Variants in ADGRD1 observed in about 807,000 individuals in gnomAD.
The protein encoded by ADGRD1 is adhesion G protein-coupled receptor D1.
In ADGRD1, 77 loss-of-function variants were observed where a neutral mutation model predicts 113.4. The observed-to-expected ratio is 0.68, with a 90% CI of 0.57 to 0.82. The LOEUF is 0.82. ADGRD1 is among the 40% of genes least tolerant of loss of function. ADGRD1 has a pLI of 0.00. For synonymous variants in ADGRD1, 474 were observed against 475.0 expected (o/e 1.00, Z 0.03); for missense variants, 1,036 against 1,139.1 (o/e 0.91, Z 1.30).
intron 13 of ADGRD1, among the ~76,000 whole-genome samples, chr12:131,068,557 A>G (rs1884907255): frequency 6.6e-6 from 1 of 152,160 alleles, no homozygotes; most frequent in Admixed American, 6.5e-5. Context: ...GATTCCACAT[A>G]CAGGCCTCTA....
chr12:130,957,175 T>C (rs1469327397), intron 2 of ADGRD1: 12 of 152,246 alleles, frequency 7.9e-5, no homozygotes, highest in Admixed American at 6.5e-4. Flanking sequence ...TGCATCAACA[T>C]ACATGTATTT....
chr12:131,128,758 G>A (rs538022421), intron 20 of ADGRD1, among the ~76,000 whole-genome samples: 1 of 152,304 alleles, frequency 6.6e-6, no homozygotes, highest in South Asian at 2.1e-4. Context: ...TATGTGGGGT[G>A]TGGCTTCTTC....
intron 13 of ADGRD1, among the ~76,000 whole-genome samples, chr12:131,021,376 T>C (rs1358410025): frequency 3.3e-5 from 5 of 152,164 alleles, no homozygotes; most frequent in African/African-American, 1.2e-4. Context: ...CCCATGACTT[T>C]GACACTTCGC....
chr12:131,017,650 C>T (rs1335154445), intron 13 of ADGRD1, among the ~76,000 whole-genome samples: 1 of 151,126 alleles, frequency 6.6e-6, no homozygotes, highest in Admixed American at 6.6e-5. Context: ...CCAGCACAGA[C>T]ACACCCAACA....
At chr12:130,974,605 C>T (rs1053389292) in intron 4 of ADGRD1, among the ~76,000 whole-genome samples, 5 of 152,170 alleles carry the variant, frequency 3.3e-5, no homozygotes, top group East Asian at 1.9e-4. Flanking sequence ...CGAAAAACAA[C>T]GCTTAAATAG....
At chr12:131,029,585 A>T (rs1394191775) in intron 13 of ADGRD1, among the ~76,000 whole-genome samples, 4 of 74,318 alleles carry the variant, frequency 5.4e-5, no homozygotes, top group South Asian at 4.5e-4. Flanking sequence ...TGGACCCCTC[A>T]TGTGGTGACA....
At chr12:131,012,277 A>T (rs867614795) in intron 12 of ADGRD1, among the ~76,000 whole-genome samples, 13 of 147,352 alleles carry the variant, frequency 8.8e-5, no homozygotes, top group South Asian at 2.1e-4. Context: ...CTTTCTTTTC[A>T]TTTTTTTTTT....
chr12:131,029,331 GCTC>G (rs755708046), intron 13 of ADGRD1, among the ~76,000 whole-genome samples: 9 of 152,148 alleles, frequency 5.9e-5, no homozygotes, highest in Non-Finnish European at 1.2e-4. Context: ...CCCCTCCTCT[GCTC>G]CTGCCTCCCT....
intron 2 of ADGRD1, among the ~76,000 whole-genome samples, chr12:130,961,514 T>C (rs1336703498): frequency 6.6e-6 from 1 of 152,088 alleles, no homozygotes; most frequent in Non-Finnish European, 1.5e-5. Flanking sequence ...AGTCCTCAAA[T>C]GGGCCATGGT....
At chr12:131,104,960 A>G in intron 16 of ADGRD1, 26 bp downstream of exon 16, 1 of 1,465,498 alleles carries the variant, frequency 6.8e-7, no homozygotes, top group Non-Finnish European at 9.3e-7. Context: ...TAATCCACCC[A>G]ACAGTCTCTC....
rs899278011 is a variant in ADGRD1 at position 131,138,005 on chromosome 12, G to A, written c.2437-132G>A. On this transcript the variant is annotated intron_variant, in intron 23 of 24. Coordinates refer to ENST00000261654, the MANE Select transcript of ADGRD1 (RefSeq NM_198827.5). ...GCACAGCTCAGCTGTGGAGCCAGCA[G>A]CTCCGACTCATATTTCCAAATCCCA... The A allele has an allele frequency of 1.6e-5, 11 of 707,350 alleles. No homozygotes were observed. In the African/African-American group the frequency reaches 1.9e-4, roughly 12 times the overall value. 43.8% of individuals were successfully genotyped at this position (707,350 alleles called of 1,614,324 possible). A position where few individuals can be genotyped will look rare whatever the true frequency, so the allele number is the denominator to read the frequency against.
chr12:130,993,204 C>T (rs1874659472), intron 8 of ADGRD1, among the ~76,000 whole-genome samples: 1 of 151,922 alleles, frequency 6.6e-6, no homozygotes, highest in South Asian at 2.1e-4. Context: ...GTGCTGGGTA[C>T]GTGGTGAGCA....
intron 15 of ADGRD1, among the ~76,000 whole-genome samples, chr12:131,094,310 T>A (rs1887129364): frequency 6.6e-6 from 1 of 152,174 alleles, no homozygotes; most frequent in South Asian, 2.1e-4. Context: ...GCCTGGCTAC[T>A]GCACCTGGGA....
intron 13 of ADGRD1, among the ~76,000 whole-genome samples, chr12:131,062,693 A>G (rs7964423): frequency 0.09 from 13,627 of 152,240 alleles, 829 homozygotes; most frequent in Non-Finnish European, 0.13. Flanking sequence ...AGGTCACCCT[A>G]GCCATGTGGA....
intron 18 of ADGRD1, among the ~76,000 whole-genome samples, chr12:131,115,925 C>T (rs972697519): frequency 6.6e-6 from 1 of 152,174 alleles, no homozygotes; most frequent in Non-Finnish European, 1.5e-5. Flanking sequence ...CACAGAATTT[C>T]GGCTGGTTCC....
intron 13 of ADGRD1, among the ~76,000 whole-genome samples, chr12:131,049,101 CTG>C (rs1452547656): frequency 6.6e-6 from 1 of 152,256 alleles, no homozygotes; most frequent in Admixed American, 6.5e-5. Context: ...CACGAGCACT[CTG>C]GAGCTGGACC....
At chr12:131,118,517 G>A (rs1950519430) in intron 19 of ADGRD1, 66 bp downstream of exon 19, 30 of 1,238,134 alleles carry the variant, frequency 2.4e-5, no homozygotes, top group African/African-American at 6.0e-5. Context: ...CGAGAGCCCC[G>A]TGGCTCTTGC....
chr12:131,006,721 G>C (rs1417733562), intron 12 of ADGRD1, among the ~76,000 whole-genome samples: 1 of 152,042 alleles, frequency 6.6e-6, no homozygotes, highest in African/African-American at 2.4e-5. Context: ...AGGGAGGGGA[G>C]GGGATGCCTC....
At position 130,955,212 on chromosome 12, in the gene ADGRD1, G is replaced by A. The variant is rs530015820; in HGVS notation, c.103+552G>A. On this transcript the variant is annotated intron_variant, in intron 2 of 24. Coordinates refer to ENST00000261654, the MANE Select transcript of ADGRD1 (RefSeq NM_198827.5). Reference sequence around the variant, plus strand: ...ACTCCTGATTTCAGGTGATCCGCCCGCCTTGGCCTCCCAGAGTGCTGGGAT... The same window carrying A: ...ACTCCTGATTTCAGGTGATCCGCCCACCTTGGCCTCCCAGAGTGCTGGGAT... Among the ~76,000 whole-genome samples, 18 of 147,650 alleles carry A rather than the reference G, an allele frequency of 1.2e-4. No homozygotes were observed. The East Asian group carries it at 2.4e-3, about 20-fold the overall frequency.
Sources: allele counts gnomAD v4.1 joint callset (sites outside exome capture counted in the v4.1 genomes callset), GRCh38; gene constraint gnomAD v4.1.1; transcripts MANE v1.5; gene names NCBI Gene and HGNC (gene_info 2026-07-23, HGNC 2026-07-21).